DNAH17: variants seen among roughly 807,000 people sequenced by gnomAD.
The protein encoded by DNAH17 is axonemal beta dynein heavy chain 17.
DNAH17 carries 376 observed loss-of-function variants against 485.6 expected under a neutral mutation model. The observed-to-expected ratio is 0.77, with a 90% CI of 0.71 to 0.84. The LOEUF (loss-of-function observed/expected upper bound fraction) is 0.84. DNAH17 is among the 40% of genes least tolerant of loss of function. The probability of loss-of-function intolerance (pLI) is 0.00; values close to 1 mark genes in which losing one functional copy is unlikely to be tolerated. For synonymous variants in DNAH17, 3,031 were observed against 2,405.9 expected (o/e 1.26, Z -7.60); for missense variants, 6,370 against 5,839.3 (o/e 1.09, Z -2.96).
At chr17:78,543,288 T>C (rs796560944) in intron 17 of DNAH17, among the ~76,000 whole-genome samples, 6 of 16,634 alleles carry the variant, frequency 3.6e-4, no homozygotes, top group Non-Finnish European at 6.4e-4. Flanking sequence ...TTAATTTTTG[T>C]TTTTTTTTTT....
At chr17:78,463,135 G>A (rs1231867000) in intron 56 of DNAH17, 58 bp from the exon 57 acceptor site, 4 of 1,538,876 alleles carry the variant, frequency 2.6e-6, no homozygotes, top group East Asian at 4.6e-5. Flanking sequence ...TCAGCAAAGT[G>A]GGGCTCCCCA....
intron 48 of DNAH17, among the ~76,000 whole-genome samples, chr17:78,481,957 G>A (rs1324872228): frequency 6.6e-6 from 1 of 152,094 alleles, no homozygotes; most frequent in Non-Finnish European, 1.5e-5. Flanking sequence ...GGAGGCTGCA[G>A]TGAGCCAAGA....
chr17:78,548,106 A>T (rs1430309273), intron 16 of DNAH17, among the ~76,000 whole-genome samples: 3 of 151,354 alleles, frequency 2.0e-5, no homozygotes, highest in Non-Finnish European at 4.4e-5. Context: ...CTGCTTTTGC[A>T]GTTTTGACTT....
At chr17:78,444,485 G>C (rs1598458053) in intron 71 of DNAH17, 119 bp downstream of exon 71, 2 of 951,186 alleles carry the variant, frequency 2.1e-6, no homozygotes, top group East Asian at 5.9e-5. Context: ...AAAATGGGGA[G>C]AAGAAAAAAG....
chr17:78,439,773 G>A (rs2086997076), intron 72 of DNAH17, among the ~76,000 whole-genome samples: 1 of 148,218 alleles, frequency 6.7e-6, no homozygotes, highest in Non-Finnish European at 1.5e-5. Flanking sequence ...GGGTTCAAGT[G>A]ATTCTCCTGC....
intron 56 of DNAH17, 84 bp downstream of exon 56, chr17:78,466,571 C>T (rs1276515932): frequency 7.2e-7 from 1 of 1,388,206 alleles, no homozygotes; most frequent in Non-Finnish European, 9.4e-7. Context: ...ATCCCAGCGC[C>T]CTTTTCTCCC....
chr17:78,559,536 C>T (rs1434961361), intron 13 of DNAH17, among the ~76,000 whole-genome samples: 1 of 152,228 alleles, frequency 6.6e-6, no homozygotes, highest in African/African-American at 2.4e-5. Flanking sequence ...CTGGTTCCAG[C>T]CACCACCTCC....
rs112619893 is a variant in DNAH17 at position 78,501,734 on chromosome 17, G to A, written c.5322+8C>T. 4.9e-3 allele frequency: 7,898 copies of A among 1,611,708 alleles called. 25 individuals carry two copies. Among genetic ancestry groups the A allele is most frequent in the Non-Finnish European group, 5.6e-3 (6,634 of 1,179,574 alleles). Reference sequence around the variant, plus strand: ...TTCCCCTGGCCCCTGGGACAGGGGCGCTCATGCCTTGGCCACGATCATTTT... The same window carrying A: ...TTCCCCTGGCCCCTGGGACAGGGGCACTCATGCCTTGGCCACGATCATTTT... On this transcript the variant is annotated splice_region_variant and intron_variant, in intron 34 of 80. Coordinates refer to ENST00000389840, the MANE Select transcript of DNAH17 (RefSeq NM_173628.4).
chr17:78,469,206 A>G (rs540111195), intron 54 of DNAH17, among the ~76,000 whole-genome samples: 1 of 152,182 alleles, frequency 6.6e-6, no homozygotes, highest in South Asian at 2.1e-4. Flanking sequence ...CAGTGATGCA[A>G]TCTCGGCTCA....
chr17:78,552,577 T>G, intron 15 of DNAH17, 120 bp downstream of exon 15: 1 of 608,060 alleles, frequency 1.6e-6, no homozygotes, highest in South Asian at 2.5e-5. Flanking sequence ...CCCTTGAAGT[T>G]AAAGCAGATC....
chr17:78,460,133 G>T, intron 59 of DNAH17, 29 bp downstream of exon 59: 2 of 1,586,320 alleles, frequency 1.3e-6, no homozygotes, highest in East Asian at 2.3e-5. Flanking sequence ...ACCAGGCCAG[G>T]GGTCCCCTTT....
Position 78,468,671 on chromosome 17 carries a change from G to A in DNAH17, c.8724C>T (p.Asp2908=). Residue 2908 remains aspartate (D), a synonymous_variant, in exon 55 of 81, where the codon GAC becomes GAT. Transcript: ENST00000389840. ...RPQVKSLGMN[D]TRETCWKFFI... ...AGAACTTCCAACATGTTTCCCGAGT[G>A]TCATTCATGCCAAGGGACTTGACTT... 1.2e-6 allele frequency: 2 copies of A among 1,614,028 alleles called. No individual in the cohort carries two copies. The highest frequency in any genetic ancestry group is 1.7e-6 in the Non-Finnish European group (2 of 1,179,880).
rs376850228 is a variant in DNAH17 at position 78,501,299 on chromosome 17, G to A, written c.5368C>T (p.Arg1790Cys). 1.0e-4 allele frequency: 162 copies of A among 1,606,556 alleles called. 1 individual carries two copies. In the East Asian group the frequency reaches 1.9e-3, roughly 18 times the overall value. Reference protein sequence around the residue: ...AFTWQAQLRHRWDEEKRHCFA... With the variant: ...AFTWQAQLRHCWDEEKRHCFA... ...CAGTGTCGCTTCTCTTCGTCCCAGCGATGCCGGAGCTGGGCCTGCCAGGTG... is the reference window on the plus strand; with the variant it reads ...CAGTGTCGCTTCTCTTCGTCCCAGCAATGCCGGAGCTGGGCCTGCCAGGTG... Residue 1790 changes from arginine to cysteine, a missense_variant, in exon 35 of 81, where the codon CGC becomes TGC. Coordinates refer to ENST00000389840, the MANE Select transcript of DNAH17 (RefSeq NM_173628.4).
In DNAH17 at chr17:78,535,805, C is replaced by G. The variant is rs1014331096; in HGVS notation, c.2859+1494G>C. On this transcript the variant is annotated intron_variant, in intron 19 of 80. Coordinates refer to ENST00000389840, the MANE Select transcript of DNAH17 (RefSeq NM_173628.4). ...TTGATAAATGTCTAATAACCTGTCA[C>G]AACACCTTTCCATCCTTGGCTCATT... Among the ~76,000 whole-genome samples, 3 of 152,184 alleles carry G rather than the reference C, an allele frequency of 2.0e-5. No individual in the cohort carries two copies. The East Asian group carries it at 5.8e-4, about 29-fold the overall frequency.
At chr17:78,496,205 A>C (rs1429667280) in intron 37 of DNAH17, among the ~76,000 whole-genome samples, 173 bp from the exon 38 acceptor site, 1 of 152,096 alleles carries the variant, frequency 6.6e-6, no homozygotes, top group East Asian at 1.9e-4. Flanking sequence ...GTAGATTTGC[A>C]TGCCATGTAG....
Position 78,429,233 on chromosome 17 carries a change from C to T in DNAH17, c.12293G>A (p.Trp4098Ter). 6.2e-7 allele frequency: 1 copy of T among 1,613,982 alleles called. No homozygotes were observed. Among genetic ancestry groups the T allele is most frequent in the South Asian group, 1.1e-5 (1 of 91,082 alleles). ...IMYGGHITDD[W>*]DRRLCRTYLA... ...GTAGGTCCTGCACAGCCGACGGTCCCAGTCATCTGTGATGTGGCCGCCATA... is the reference window on the plus strand; with the variant it reads ...GTAGGTCCTGCACAGCCGACGGTCCTAGTCATCTGTGATGTGGCCGCCATA... Residue 4098 changes from tryptophan (W) to a stop codon, truncating the protein, a stop_gained, in exon 76 of 81, where the codon TGG becomes TAG. Transcript: ENST00000389840. LOFTEE classifies it high-confidence loss of function.
Position 78,454,651 on chromosome 17 carries a change from C to T in DNAH17, c.10225G>A (p.Ala3409Thr), listed in dbSNP as rs777761141. 54 of 1,612,886 alleles carry T rather than the reference C, an allele frequency of 3.3e-5. No individual in the cohort carries two copies. Among genetic ancestry groups the T allele is most frequent in the Admixed American group, 6.7e-5 (4 of 59,992 alleles). ...LDPLSLLTDD[A>T]DVATWNNQGL... ...TGGTTGTTCCAGGTGGCCACGTCCG[C>T]GTCATCTGTCAGCAGGCTCAAGGGA... Residue 3409 changes from alanine to threonine, a missense_variant, in exon 64 of 81, where the codon GCG (alanine) becomes ACG (threonine). Coordinates refer to ENST00000389840, the MANE Select transcript of DNAH17 (RefSeq NM_173628.4).
chr17:78,541,350 AG>A lies in DNAH17; in HGVS notation c.2533-1471del, dbSNP rs576886058. On this transcript the variant is annotated intron_variant, in intron 17 of 80. Coordinates refer to ENST00000389840, the MANE Select transcript of DNAH17 (RefSeq NM_173628.4). ...GGGTAGGGTGGGTGGATGAGTGGAC[AG>A]ATGAATGTGGTGGGTAGATGTGTAA... is the stretch of plus-strand genomic sequence containing the variant. 1.8e-3 allele frequency among the ~76,000 whole-genome samples: 253 copies of A among 142,772 alleles called. 8 individuals carry two copies. The highest frequency in any genetic ancestry group is 0.016 in the Admixed American group (228 of 13,974). The allele number at this position is 142,772 out of a possible 152,430, so 93.7% of individuals were successfully genotyped here. A position where few individuals can be genotyped will look rare whatever the true frequency, so the allele number is the denominator to read the frequency against.
chr17:78,486,460 CCTT>C lies in DNAH17; in HGVS notation c.6862_6864del (p.Lys2288del). 1 of 1,613,272 alleles carries C rather than the reference CCTT, an allele frequency of 6.2e-7. No homozygotes were observed. Among genetic ancestry groups the C allele is most frequent in the Non-Finnish European group, 8.5e-7 (1 of 1,179,784 alleles). ...TTGTCAAAGAGGATCATCAGGTTGGCCTTCTCCGACTGCACCTTGCGCCTCTCG... is the reference window on the plus strand; with the variant it reads ...TTGTCAAAGAGGATCATCAGGTTGGCCTCCGACTGCACCTTGCGCCTCTCG... On this transcript the variant is annotated inframe_deletion, in exon 45 of 81. Coordinates refer to ENST00000389840, the MANE Select transcript of DNAH17 (RefSeq NM_173628.4).
Sources: allele counts gnomAD v4.1 joint callset (sites outside exome capture counted in the v4.1 genomes callset), GRCh38; gene constraint gnomAD v4.1.1; transcripts MANE v1.5; gene names NCBI Gene and HGNC (gene_info 2026-07-23, HGNC 2026-07-21).